Variants in UBA1 observed in about 807,000 individuals in gnomAD.
UBA1 encodes ubiquitin like modifier activating enzyme 1, also known as ubiquitin-like modifier-activating enzyme 1.
In UBA1, 4 loss-of-function variants were observed where a neutral mutation model predicts 84.7. The ratio of observed to expected loss-of-function variants is 0.05; its 90% CI spans 0.02 to 0.11. UBA1 has a LOEUF of 0.11. Among genes scored for constraint, UBA1 ranks in the 10% least tolerant of loss-of-function variants. UBA1 has a pLI of 1.00. For missense variants in UBA1, 513 were observed against 902.8 expected (o/e 0.57, Z 5.53); for synonymous variants, 364 against 362.6 (o/e 1.00, Z -0.04).
chrX:47,210,036 T>C lies in UBA1; in HGVS notation c.2112T>C (p.Ala704=), dbSNP rs782528294. 1.6e-6 allele frequency: 2 copies of C among 1,212,179 alleles called. No homozygotes were observed. The highest frequency in any genetic ancestry group is 2.2e-6 in the Non-Finnish European group (2 of 895,613). Residue 704 remains alanine, a synonymous_variant, in exon 18 of 26, where the codon GCT becomes GCC. Transcript: ENST00000335972. ...SLVLQRPQTW[A]DCVTWACHHW... ...TGCTGCAGCGACCACAGACCTGGGC[T>C]GACTGCGTGACCTGGGCCTGCCACC...
intron 21 of UBA1, 117 bp downstream of exon 21, chrX:47,212,629 C>CTAT: frequency 1.2e-6 from 1 of 855,575 alleles, no homozygotes; most frequent in Non-Finnish European, 1.7e-6. Context: ...TGTGGGCCTG[C>CTAT]CATATGGCTC....
At chrX:47,201,857 GTC>G (rs1303484537) in intron 8 of UBA1, among the ~76,000 whole-genome samples, 2 of 111,831 alleles carry the variant, frequency 1.8e-5, no homozygotes, top group African/African-American at 6.5e-5. Flanking sequence ...TGGGGAAAAA[GTC>G]TCTGGTGTTT....
chrX:47,198,012 T>TTA (rs1431433022), intron 1 of UBA1: 30 of 888,963 alleles, frequency 3.4e-5, no homozygotes, highest in Non-Finnish European at 4.2e-5. Context: ...GTTAACCTGT[T>TTA]TAAGGGACTC....
In UBA1 at chrX:47,203,160, G is replaced by A. The variant is rs993348547; in HGVS notation, c.1365G>A (p.Val455=). 1 of 1,210,312 alleles carries A rather than the reference G, an allele frequency of 8.3e-7. No individual in the cohort carries two copies. The highest frequency in any genetic ancestry group is 1.7e-5 in the African/African-American group (1 of 57,247). The change falls in exon 13 of 26, where the codon GTG becomes GTA. Residue 455 remains valine (V), a synonymous_variant. Transcript: ENST00000335972. ...LQRQNRYDGQ[V]AVFGSDLQEK... Reference sequence around the variant, plus strand: ...GCCAGAACCGTTATGACGGGCAAGTGGCTGTGTTTGGCTCAGACCTGCAAG... The same window carrying A: ...GCCAGAACCGTTATGACGGGCAAGTAGCTGTGTTTGGCTCAGACCTGCAAG...
In UBA1 at chrX:47,211,229, AGGGT is replaced by A. The variant is rs1175155400; in HGVS notation, c.2464+6_2464+9del. On this transcript the variant is annotated splice_donor_5th_base_variant and intron_variant, in intron 20 of 25. Transcript: ENST00000335972. ...CAGAGCGCCAATGCCTCTGTTGGTG[AGGGT>A]GTTTGGCCAGTTGGCCAGGAGTCAC... 2.6e-5 allele frequency: 31 copies of A among 1,206,128 alleles called. No homozygotes were observed. The highest frequency in any genetic ancestry group is 3.5e-5 in the Non-Finnish European group (31 of 895,175).
At chrX:47,208,299 C>G (rs1390847110) in intron 16 of UBA1, among the ~76,000 whole-genome samples, 1 of 105,095 alleles carries the variant, frequency 9.5e-6, no homozygotes, top group Non-Finnish European at 1.9e-5. Context: ...GTGTAAGTGT[C>G]TGTGTGTACG....
At chrX:47,202,531 G>T (rs781965418) in intron 10 of UBA1, 27 bp downstream of exon 10, 37 of 1,203,107 alleles carry the variant, frequency 3.1e-5, no homozygotes, top group Non-Finnish European at 4.0e-5. Context: ...GCCAGCCAGC[G>T]CAGACATGCC....
chrX:47,209,065 C>T (rs1602650165), intron 16 of UBA1: 2 of 126,755 alleles, frequency 1.6e-5, no homozygotes, highest in Non-Finnish European at 1.6e-5. Flanking sequence ...CACTCCAGCT[C>T]GGGTGACAGT....
intron 21 of UBA1, 71 bp from the exon 22 acceptor site, chrX:47,212,700 C>T (rs1227673612): frequency 2.0e-6 from 2 of 986,332 alleles, no homozygotes; most frequent in Admixed American, 4.8e-5. Flanking sequence ...CAGGCAATTG[C>T]AGTGGAGGAT....
Position 47,200,927 on chromosome X carries a change from C to T in UBA1, c.514C>T (p.Gln172Ter). Residue 172 changes from glutamine to a stop codon, truncating the protein, a stop_gained, in exon 6 of 26, where the codon CAG (glutamine) becomes TAG (stop). Transcript: ENST00000335972. LOFTEE classifies it high-confidence loss of function. ...VVLTNTPLED[Q>*]LRVGEFCHNR... Reference sequence around the variant, plus strand: ...GCTCACCAACACCCCCCTGGAGGACCAGCTGCGAGTGGGTGAGTTCTGTCA... The same window carrying T: ...GCTCACCAACACCCCCCTGGAGGACTAGCTGCGAGTGGGTGAGTTCTGTCA... 8.3e-7 allele frequency: 1 copy of T among 1,203,390 alleles called. No homozygotes were observed. The highest frequency in any genetic ancestry group is 1.8e-5 in the South Asian group (1 of 55,288).
Position 47,212,860 on chromosome X carries a change from C to G in UBA1, c.2643C>G (p.His881Gln). 1 of 1,211,139 alleles carries G rather than the reference C, an allele frequency of 8.3e-7. No homozygotes were observed. Among genetic ancestry groups the G allele is most frequent in the South Asian group, 1.8e-5 (1 of 56,931 alleles). The change falls in exon 22 of 26, where the codon CAC becomes CAG. Residue 881 changes from histidine to glutamine, a missense_variant. His to Gln is a conservative substitution (Grantham distance 24, BLOSUM62 0). This residue lies in a region of UBA1 where 151 missense variants were observed against 260.1 expected (regional missense o/e 0.58). Coordinates refer to ENST00000335972, the MANE Select transcript of UBA1 (RefSeq NM_003334.4). The part of the protein sequence containing the change: ...ENYDIPSADR[H>Q]KSKLIAGKII... ...ATGACATTCCTTCTGCAGACCGGCACAAGGTGAGGGGAATCTAAATCTGAT... is the reference window on the plus strand; with the variant it reads ...ATGACATTCCTTCTGCAGACCGGCAGAAGGTGAGGGGAATCTAAATCTGAT...
intron 1 of UBA1, among the ~76,000 whole-genome samples, chrX:47,196,905 G>C (rs782809453): frequency 8.9e-6 from 1 of 112,339 alleles, no homozygotes; most frequent in African/African-American, 3.2e-5. Flanking sequence ...CCTCAGGTCA[G>C]TGAGTTCTGA....
At chrX:47,197,676 T>C in intron 1 of UBA1, 1 of 725,927 alleles carries the variant, frequency 1.4e-6, no homozygotes, top group Non-Finnish European at 1.6e-6. Context: ...AAGTTACTTC[T>C]CATTTGTCCG....
At chrX:47,214,233 AAC>A (rs1556794453) in intron 23 of UBA1, 92 bp from the exon 24 acceptor site, 2 of 759,390 alleles carry the variant, frequency 2.6e-6, no homozygotes, top group African/African-American at 4.3e-5. Flanking sequence ...GATCTGACTA[AAC>A]ACGTCTGCAT....
chrX:47,198,886 C>G lies in UBA1; in HGVS notation c.84C>G (p.Ser28=), dbSNP rs782656395. ...KPGSNCSPAQ[S]VLSEVPSVPT... ...GTTCTAACTGCTCCCCTGCCCAGTC[C>G]GTGTTGTCCGAAGTGCCCTCGGTGC... The change falls in exon 2 of 26, where the codon TCC becomes TCG. Residue 28 remains serine, a synonymous_variant. Transcript: ENST00000335972. The G allele has an allele frequency of 8.3e-6, 10 of 1,210,673 alleles. No individual in the cohort carries two copies. In the African/African-American group the frequency reaches 1.7e-4, roughly 21 times the overall value.
intron 16 of UBA1, among the ~76,000 whole-genome samples, chrX:47,208,336 T>C (rs1035017480): frequency 1.8e-5 from 2 of 111,340 alleles, no homozygotes; most frequent in African/African-American, 6.7e-5. Context: ...TGTGTGTGTG[T>C]GTGTGTGCGC....
At chrX:47,199,815 C>T (rs1556787103) in intron 5 of UBA1, among the ~76,000 whole-genome samples, 1 of 106,772 alleles carries the variant, frequency 9.4e-6, no homozygotes, top group Non-Finnish European at 1.9e-5. Context: ...CGGAGTCTTG[C>T]TCTGTCGCCC....
intron 21 of UBA1, 81 bp from the exon 22 acceptor site, chrX:47,212,690 C>T: frequency 8.5e-6 from 8 of 937,896 alleles, no homozygotes; most frequent in Non-Finnish European, 1.2e-5. Context: ...GAGAGTCCAG[C>T]AGGCAATTGC....
rs1936323099 is a variant in UBA1 at position 47,199,465 on chromosome X, T to C, written c.346-15T>C. 1.7e-6 allele frequency: 2 copies of C among 1,211,810 alleles called. No individual in the cohort carries two copies. The highest frequency in any genetic ancestry group is 3.0e-5 in the East Asian group (1 of 33,848). On this transcript the variant is annotated splice_polypyrimidine_tract_variant and intron_variant, in intron 4 of 25. Transcript: ENST00000335972. ...ACAGCCATTTCATCTTTTTCCCTAC[T>C]GCACACCCTTACAGTTCTACCTGCG...
Sources: gnomAD v4.1 joint callset for allele counts (sites outside exome capture counted in the v4.1 genomes callset) on GRCh38, gnomAD v4.1.1 for gene constraint, gnomAD v4.1.1 regional missense constraint, MANE v1.5 for transcripts, NCBI Gene and HGNC (gene_info 2026-07-23, HGNC 2026-07-21) for gene names.